The following ESRRG variants were observed in gnomAD, a reference collection of about 807,000 sequenced individuals.
ESRRG encodes estrogen-related receptor gamma.
A neutral mutation model predicts 44.0 loss-of-function variants in ESRRG; 13 were observed. That is an observed-to-expected ratio of 0.30 (90% CI 0.19 to 0.47). The LOEUF (loss-of-function observed/expected upper bound fraction) is 0.47, where lower values mean the gene tolerates loss of function less well. Among genes scored for constraint, ESRRG ranks in the 20% least tolerant of loss-of-function variants. The pLI, the probability that ESRRG is intolerant of heterozygous loss-of-function variation, is 1.00. For missense variants in ESRRG, 395 were observed against 580.6 expected (o/e 0.68, Z 3.29); for synonymous variants, 215 against 214.6 (o/e 1.00, Z -0.02).
intron 2 of ESRRG, among the ~76,000 whole-genome samples, chr1:216,888,762 C>G (rs1193521046): frequency 6.6e-6 from 1 of 151,946 alleles, no homozygotes; most frequent in Non-Finnish European, 1.5e-5. Flanking sequence ...AAATAGAGCC[C>G]CGAAGATCAA....
intron 1 of ESRRG, among the ~76,000 whole-genome samples, chr1:216,689,681 T>C (rs892435590): frequency 6.6e-6 from 1 of 151,996 alleles, no homozygotes; most frequent in Admixed American, 6.6e-5. Flanking sequence ...TTTATAACAC[T>C]GAAACAAACA....
At chr1:217,005,254 C>A (rs1296391688) in intron 1 of ESRRG, among the ~76,000 whole-genome samples, 1 of 152,112 alleles carries the variant, frequency 6.6e-6, no homozygotes, top group East Asian at 1.9e-4. Context: ...CAGGTCCAAC[C>A]ACCTCCTTTG....
At position 216,541,976 on chromosome 1, in the gene ESRRG, G is replaced by A. The variant is rs537801594; in HGVS notation, c.862+22243C>T. On this transcript the variant is annotated intron_variant, in intron 5 of 6. Transcript: ENST00000408911. ...ATACTTCGGGAGCCGAGCCCAAGAC[G>A]TTCCCTGGTAATGAACTGGCCTAAG... Among the ~76,000 whole-genome samples, 9 of 151,666 alleles carry A rather than the reference G, an allele frequency of 5.9e-5. 1 individual carries two copies. Among genetic ancestry groups the A allele is most frequent in the Admixed American group, 4.6e-4 (7 of 15,180 alleles).
At chr1:216,763,219 A>G (rs1339349) in intron 2 of ESRRG, among the ~76,000 whole-genome samples, 1 of 151,844 alleles carries the variant, frequency 6.6e-6, no homozygotes, top group Non-Finnish European at 1.5e-5. Flanking sequence ...TTTTCATATA[A>G]TATTTAATAA....
chr1:216,890,128 G>T (rs1252134158), intron 2 of ESRRG, among the ~76,000 whole-genome samples: 1 of 151,996 alleles, frequency 6.6e-6, no homozygotes, highest in Non-Finnish European at 1.5e-5. Flanking sequence ...AGCTGTATGT[G>T]CTGGTACATG....
intron 1 of ESRRG, among the ~76,000 whole-genome samples, chr1:217,024,059 A>G (rs1375523910): frequency 1.3e-5 from 2 of 152,202 alleles, no homozygotes; most frequent in Non-Finnish European, 2.9e-5. Context: ...GGGTTTTCAA[A>G]TAAATTTAGA....
At chr1:216,808,150 T>G (rs1367238958) in intron 2 of ESRRG, among the ~76,000 whole-genome samples, 1 of 152,246 alleles carries the variant, frequency 6.6e-6, no homozygotes, top group African/African-American at 2.4e-5. Flanking sequence ...GTCTCTTTGA[T>G]GGAATTTGGA....
chr1:216,711,172 G>A (rs1448978210), intron 1 of ESRRG, among the ~76,000 whole-genome samples: 2 of 152,178 alleles, frequency 1.3e-5, no homozygotes, highest in Non-Finnish European at 2.9e-5. Context: ...AGGTGGGCAA[G>A]GAAAGCTCCT....
intron 2 of ESRRG, among the ~76,000 whole-genome samples, chr1:216,771,301 T>C (rs2093368206): frequency 6.6e-6 from 1 of 152,162 alleles, no homozygotes; most frequent in African/African-American, 2.4e-5. Flanking sequence ...TTAGCACAAA[T>C]ACACATATGC....
At chr1:217,078,284 G>A (rs1352512828) in intron 1 of ESRRG, 8 of 152,278 alleles carry the variant, frequency 5.3e-5, no homozygotes, top group Admixed American at 5.2e-4. Flanking sequence ...CTTCCTGTGT[G>A]AAGAGGAGAT....
At chr1:217,058,618 ATTG>A (rs372627049) in intron 1 of ESRRG, among the ~76,000 whole-genome samples, 81 of 152,282 alleles carry the variant, frequency 5.3e-4, no homozygotes, top group African/African-American at 1.9e-3. Context: ...TATGCAAAAA[ATTG>A]TTGTAATGTT....
chr1:217,084,810 C>A (rs1480977076), intron 1 of ESRRG, among the ~76,000 whole-genome samples: 2 of 151,984 alleles, frequency 1.3e-5, no homozygotes, highest in Non-Finnish European at 2.9e-5. Flanking sequence ...TGCATGTTAC[C>A]ACAGGTACTC....
rs540769822 is a variant in ESRRG at position 216,566,107 on chromosome 1, C to T, written c.701-1727G>A. On this transcript the variant is annotated intron_variant, in intron 4 of 6. Coordinates refer to ENST00000408911, the MANE Select transcript of ESRRG (RefSeq NM_001438.4). ...CCCATCATTCAGAAAATGGAATAGC[C>T]GGCAGCACTGTTTCTAGGTAAATCT... 9.9e-5 allele frequency among the ~76,000 whole-genome samples: 15 copies of T among 151,900 alleles called. No homozygotes were observed. The South Asian group carries it at 1.9e-3, about 19-fold the overall frequency.
chr1:216,620,417 G>A (rs1201774692), intron 3 of ESRRG, among the ~76,000 whole-genome samples: 1 of 152,150 alleles, frequency 6.6e-6, no homozygotes, highest in Admixed American at 6.5e-5. Flanking sequence ...ACTGCCCTCA[G>A]AGAATCCTAT....
At chr1:216,707,599 A>G in intron 1 of ESRRG, 2 of 1,034,284 alleles carry the variant, frequency 1.9e-6, no homozygotes, top group East Asian at 5.4e-5. Flanking sequence ...ACTCCTTTTT[A>G]CATTGGAGAC....
At chr1:216,958,070 G>T (rs2068311814) in intron 1 of ESRRG, among the ~76,000 whole-genome samples, 1 of 152,084 alleles carries the variant, frequency 6.6e-6, no homozygotes, top group Non-Finnish European at 1.5e-5. Flanking sequence ...CTTTACCACA[G>T]CATAACATTT....
intron 2 of ESRRG, among the ~76,000 whole-genome samples, chr1:216,749,857 A>C (rs545794421): frequency 6.6e-5 from 10 of 152,184 alleles, no homozygotes; most frequent in Non-Finnish European, 1.3e-4. Flanking sequence ...AAAAATAAGT[A>C]TAATGAAGTT....
At chr1:216,701,623 T>G (rs2081406169) in intron 1 of ESRRG, 1 of 152,262 alleles carries the variant, frequency 6.6e-6, no homozygotes. Context: ...CCATGCTGAC[T>G]GTCTTCAGTG....
At chr1:216,795,631 G>A (rs1044767138) in intron 2 of ESRRG, among the ~76,000 whole-genome samples, 1 of 151,872 alleles carries the variant, frequency 6.6e-6, no homozygotes, top group African/African-American at 2.4e-5. Context: ...GCACGCCACT[G>A]CACCTGGCCT....
Sources: allele counts gnomAD v4.1 joint callset (sites outside exome capture counted in the v4.1 genomes callset), GRCh38; gene constraint gnomAD v4.1.1; transcripts MANE v1.5; gene names NCBI Gene and HGNC (gene_info 2026-07-23, HGNC 2026-07-21).